GHR: variants seen among roughly 807,000 people sequenced by gnomAD.
The protein encoded by GHR is GH receptor.
A neutral mutation model predicts 67.1 loss-of-function variants in GHR; 35 were observed. The observed-to-expected ratio is 0.52, with a 90% CI of 0.40 to 0.69. GHR has a LOEUF of 0.69. Ranked by LOEUF, GHR falls within the 30% of genes least tolerant of loss-of-function variation. The pLI is 0.00. For synonymous variants in GHR, 272 were observed against 269.1 expected (o/e 1.01, Z -0.10); for missense variants, 792 against 764.6 (o/e 1.04, Z -0.42).
chr5:42,627,543 A>G (rs1753763868), intron 2 of GHR, among the ~76,000 whole-genome samples: 1 of 152,250 alleles, frequency 6.6e-6, no homozygotes, highest in Non-Finnish European at 1.5e-5. Flanking sequence ...CTGAGCCAAT[A>G]TAAGTGACTG....
intron 2 of GHR, among the ~76,000 whole-genome samples, chr5:42,617,385 TACACAC>T (rs10581858): frequency 0.41 from 60,740 of 148,922 alleles, 13,006 homozygotes; most frequent in Middle Eastern, 0.49. Flanking sequence ...AAGTTCATTT[TACACAC>T]ACACACACAC....
At chr5:42,534,000 ATTCATTCCTTTCTATGG>A (rs1295592625) in intron 1 of GHR, among the ~76,000 whole-genome samples, 1 of 151,374 alleles carries the variant, frequency 6.6e-6, no homozygotes, top group African/African-American at 2.4e-5. Flanking sequence ...ACTGCCATTA[ATTCATTCCTTTCTATGG>A]TTGAGTAGTA....
intron 1 of GHR, among the ~76,000 whole-genome samples, chr5:42,480,871 C>T (rs1047746922): frequency 2.6e-5 from 4 of 152,166 alleles, no homozygotes; most frequent in Non-Finnish European, 5.9e-5. Context: ...TTAATTGGAG[C>T]ATTTAGCCCA....
intron 2 of GHR, among the ~76,000 whole-genome samples, chr5:42,569,724 C>T (rs1457367611): frequency 6.6e-6 from 1 of 151,774 alleles, no homozygotes; most frequent in Admixed American, 6.6e-5. Context: ...ACTATATGTA[C>T]ACATATACAT....
At chr5:42,467,262 T>C in intron 1 of GHR, 1 of 1,313,624 alleles carries the variant, frequency 7.6e-7, no homozygotes, top group Non-Finnish European at 1.1e-6. Context: ...TAATAAGGTG[T>C]GAAAAACAAC....
intron 2 of GHR, among the ~76,000 whole-genome samples, chr5:42,604,819 T>C (rs940280285): frequency 3.3e-5 from 5 of 152,100 alleles, no homozygotes; most frequent in Non-Finnish European, 7.4e-5. Flanking sequence ...ACTTTGTTCA[T>C]GCATTGCTCA....
intron 1 of GHR, among the ~76,000 whole-genome samples, chr5:42,476,304 T>G (rs1745314839): frequency 6.6e-6 from 1 of 150,660 alleles, no homozygotes; most frequent in African/African-American, 2.4e-5. Flanking sequence ...CACTGCAACC[T>G]CCGCTCCCAG....
intron 1 of GHR, among the ~76,000 whole-genome samples, chr5:42,557,921 A>T (rs928855532): frequency 6.6e-6 from 1 of 152,212 alleles, no homozygotes; most frequent in Non-Finnish European, 1.5e-5. Context: ...CCTAGATAGC[A>T]TCAGTCCCTT....
rs558400732 is a variant in GHR at position 42,660,338 on chromosome 5, C to A, written c.137-28552C>A. On this transcript the variant is annotated intron_variant, in intron 3 of 9. Transcript: ENST00000230882. ...GGGTCCCTGACCCCTGACCCCTGAG[C>A]AGCCTAACTGGGAGACACCCCTCAG... Among the ~76,000 whole-genome samples the A allele has an allele frequency of 6.3e-4, 96 of 152,234 alleles. 1 individual carries two copies. Among genetic ancestry groups the A allele is most frequent in the African/African-American group, 1.7e-3 (70 of 41,566 alleles).
At chr5:42,502,001 A>G (rs182404725) in intron 1 of GHR, among the ~76,000 whole-genome samples, 1 of 152,304 alleles carries the variant, frequency 6.6e-6, no homozygotes, top group East Asian at 1.9e-4. Context: ...GCCCATTCAT[A>G]TCCCTCCTTT....
At position 42,617,257 on chromosome 5, in the gene GHR, G is replaced by A. The variant is rs892563222; in HGVS notation, c.71-11781G>A. ...TCATTCCCTTAAAAAAAAAAAAGAA[G>A]AAGAAGACTAGATTTTCTAATTTAG... On this transcript the variant is annotated intron_variant, in intron 2 of 9. Coordinates refer to ENST00000230882, the MANE Select transcript of GHR (RefSeq NM_000163.5). Among the ~76,000 whole-genome samples, 29 of 150,998 alleles carry A rather than the reference G, an allele frequency of 1.9e-4. 1 individual carries two copies. Among genetic ancestry groups the A allele is most frequent in the Admixed American group, 6.6e-5 (1 of 15,128 alleles).
chr5:42,534,206 GTATA>G (rs372494105), intron 1 of GHR, among the ~76,000 whole-genome samples: 19,737 of 131,132 alleles, frequency 0.15, 2,812 homozygotes, highest in Non-Finnish European at 0.17. Context: ...GTGTATATAT[GTATA>G]TATGTATATA....
In GHR at chr5:42,698,469, G is replaced by A. The variant is rs141816829; in HGVS notation, c.440-1355G>A. 4.7e-3 allele frequency among the ~76,000 whole-genome samples: 716 copies of A among 152,140 alleles called. 5 individuals carry two copies. The highest frequency in any genetic ancestry group is 8.8e-3 in the Non-Finnish European group (595 of 67,992). On this transcript the variant is annotated intron_variant, in intron 5 of 9. Transcript: ENST00000230882. ...GGTGAGGAATTATTGCCATTATATCGGCATATGTAGTTTGGCCATTTTGCA... is the reference window on the plus strand; with the variant it reads ...GGTGAGGAATTATTGCCATTATATCAGCATATGTAGTTTGGCCATTTTGCA...
intron 2 of GHR, among the ~76,000 whole-genome samples, chr5:42,597,706 T>G (rs1268331073): frequency 6.6e-6 from 1 of 152,188 alleles, no homozygotes; most frequent in Non-Finnish European, 1.5e-5. Flanking sequence ...TACCAGATAG[T>G]GCAACTCCAT....
intron 1 of GHR, among the ~76,000 whole-genome samples, chr5:42,456,410 G>T (rs973197543): frequency 6.6e-6 from 1 of 152,186 alleles, no homozygotes; most frequent in African/African-American, 2.4e-5. Context: ...CTGTTTTAAG[G>T]TAGGACTAAA....
chr5:42,623,021 G>T (rs1753530941), intron 2 of GHR, among the ~76,000 whole-genome samples: 1 of 152,096 alleles, frequency 6.6e-6, no homozygotes, highest in South Asian at 2.1e-4. Flanking sequence ...ACAATGTCAA[G>T]TTCTCCATAG....
intron 1 of GHR, among the ~76,000 whole-genome samples, chr5:42,513,414 C>A (rs4866931): frequency 0.45 from 69,105 of 152,014 alleles, 16,145 homozygotes; most frequent in Middle Eastern, 0.51. Context: ...TTAGCAGCCC[C>A]ACTCAGGGCC....
chr5:42,425,126 C>G, intron 1 of GHR: 1 of 534,384 alleles, frequency 1.9e-6, no homozygotes, highest in Non-Finnish European at 2.4e-6. Flanking sequence ...AACGCATTGC[C>G]CTGAGTGGCT....
chr5:42,450,430 C>G (rs545142609), intron 1 of GHR, among the ~76,000 whole-genome samples: 2 of 152,136 alleles, frequency 1.3e-5, no homozygotes, highest in Admixed American at 1.3e-4. Context: ...TTTATAATAG[C>G]CTTGAATGAT....
Sources: allele counts gnomAD v4.1 joint callset (sites outside exome capture counted in the v4.1 genomes callset), GRCh38; gene constraint gnomAD v4.1.1; transcripts MANE v1.5; gene names NCBI Gene and HGNC (gene_info 2026-07-23, HGNC 2026-07-21).